KCTD18: variants seen among roughly 807,000 people sequenced by gnomAD.
KCTD18 encodes potassium channel tetramerization domain containing 18.
KCTD18 carries 22 observed loss-of-function variants against 30.4 expected under a neutral mutation model. The ratio of observed to expected loss-of-function variants is 0.72; its 90% CI spans 0.52 to 1.03. The LOEUF (loss-of-function observed/expected upper bound fraction) is 1.03. KCTD18 is among the 50% of genes least tolerant of loss of function. The pLI, the probability that KCTD18 is intolerant of heterozygous loss-of-function variation, is 0.00. For missense variants in KCTD18, 529 were observed against 547.6 expected (o/e 0.97, Z 0.34); for synonymous variants, 186 against 209.0 (o/e 0.89, Z 0.95).
chr2:200,509,625 C>T lies in KCTD18; in HGVS notation c.-76+3G>A, dbSNP rs1455177133. 7 of 152,298 alleles carry T rather than the reference C, an allele frequency of 4.6e-5. No homozygotes were observed. The highest frequency in any genetic ancestry group is 1.7e-4 in the African/African-American group (7 of 41,442). 9.4% of individuals were successfully genotyped at this position (152,298 alleles called of 1,614,324 possible). ...GTCCCCCAGAGTGCATTCCTATGAT[C>T]ACCTGCATCAAAACCATCAGGGACG... On this transcript the variant is annotated splice_donor_region_variant and intron_variant, in intron 1 of 6. Transcript: ENST00000359878.
intron 6 of KCTD18, among the ~76,000 whole-genome samples, chr2:200,492,056 TA>T (rs1336794394): frequency 6.6e-6 from 1 of 152,216 alleles, no homozygotes; most frequent in African/African-American, 2.4e-5. Context: ...TAATGCTTCG[TA>T]AACTTGTAGA....
chr2:200,506,390 T>C lies in KCTD18; in HGVS notation c.160+467A>G, dbSNP rs532766425. Among the ~76,000 whole-genome samples, 351 of 152,238 alleles carry C rather than the reference T, an allele frequency of 2.3e-3. 2 individuals are homozygous for C. The highest frequency in any genetic ancestry group is 7.6e-3 in the African/African-American group (316 of 41,538). On this transcript the variant is annotated intron_variant, in intron 2 of 6. Transcript: ENST00000359878. ...ACAGACTTTTTCTCAGCCGTGCACA[T>C]TGGACACACAGCAAGACTACACAGC...
rs1298049415 is a variant in KCTD18, at chr2:200,490,246, G to C, written c.1135C>G (p.Leu379Val). 1 of 1,614,142 alleles carries C rather than the reference G, an allele frequency of 6.2e-7. No individual in the cohort carries two copies. Among genetic ancestry groups the C allele is most frequent in the Non-Finnish European group, 8.5e-7 (1 of 1,180,048 alleles). ...GTGGCGCACAGCGGAGTCCTCTTCA[G>C]CTTTATCACCCGCTGGGGTGTAGGC... ...KKPTPQRVIK[L>V]KRTPLCATAP... Residue 379 changes from leucine (L) to valine (V), a missense_variant, in exon 7 of 7, where the codon CTG (leucine) becomes GTG (valine). Coordinates refer to ENST00000359878, the MANE Select transcript of KCTD18 (RefSeq NM_152387.4).
chr2:200,490,416 G>T lies in KCTD18; in HGVS notation c.965C>A (p.Ala322Glu), dbSNP rs147353210. 12 of 1,614,048 alleles carry T rather than the reference G, an allele frequency of 7.4e-6. No individual in the cohort carries two copies. Among genetic ancestry groups the T allele is most frequent in the Non-Finnish European group, 9.3e-6 (11 of 1,180,030 alleles). ...NRFQSGSRRK[A>E]AQRSAPSRAT... ...TCTGGAAGGTGCAGAGCGCTGAGCT[G>T]CCTTTCTGCGGCTACCACTTTGAAA... The change falls in exon 7 of 7, where the codon GCA becomes GAA. Residue 322 changes from alanine to glutamate, a missense_variant. Coordinates refer to ENST00000359878, the MANE Select transcript of KCTD18 (RefSeq NM_152387.4).
At chr2:200,503,424 G>A (rs747290258) in intron 3 of KCTD18, among the ~76,000 whole-genome samples, 2 of 152,104 alleles carry the variant, frequency 1.3e-5, no homozygotes, top group Non-Finnish European at 2.9e-5. Context: ...GGTGTCCCAC[G>A]CAGCCCCTTG....
At chr2:200,508,695 G>A (rs572400248) in intron 1 of KCTD18, among the ~76,000 whole-genome samples, 2 of 152,124 alleles carry the variant, frequency 1.3e-5, no homozygotes, top group African/African-American at 2.4e-5. Flanking sequence ...TGTAGAATAC[G>A]GTCAGCAACA....
intron 5 of KCTD18, 131 bp from the exon 6 acceptor site, chr2:200,493,405 A>G (rs982439739): frequency 3.1e-6 from 2 of 637,850 alleles, no homozygotes; most frequent in Middle Eastern, 2.7e-4. Flanking sequence ...TGTGCACAAC[A>G]TGAACAGGAA....
intron 4 of KCTD18, among the ~76,000 whole-genome samples, chr2:200,498,497 G>T (rs191730787): frequency 6.6e-6 from 1 of 152,334 alleles, no homozygotes; most frequent in South Asian, 2.1e-4. Flanking sequence ...AAGACACCAA[G>T]GCAGGCCAGC....
At chr2:200,502,590 T>C (rs2029915869) in intron 3 of KCTD18, among the ~76,000 whole-genome samples, 1 of 152,234 alleles carries the variant, frequency 6.6e-6, no homozygotes, top group Non-Finnish European at 1.5e-5. Flanking sequence ...ATTCATTCAT[T>C]TGAATATTAA....
In KCTD18 at chr2:200,494,298, T is replaced by C. The variant is rs1043413837; in HGVS notation, c.662-1024A>G. 3.3e-5 allele frequency among the ~76,000 whole-genome samples: 5 copies of C among 152,206 alleles called. 1 individual carries two copies. The highest frequency in any genetic ancestry group is 2.6e-4 in the Admixed American group (4 of 15,274). ...GGAGAGAGGTAATGATTGCACAACA[T>C]TGTGAATGTAGTAAATACCAATGAA... On this transcript the variant is annotated intron_variant, in intron 5 of 6. Coordinates refer to ENST00000359878, the MANE Select transcript of KCTD18 (RefSeq NM_152387.4).
At chr2:200,509,557 A>T (rs2030403354) in intron 1 of KCTD18, 71 bp downstream of exon 1, 1 of 152,570 alleles carries the variant, frequency 6.6e-6, no homozygotes. Context: ...GCACCCAGTT[A>T]GGCTCCCTGC....
At chr2:200,491,164 T>C (rs997267090) in intron 6 of KCTD18, among the ~76,000 whole-genome samples, 6 of 152,158 alleles carry the variant, frequency 3.9e-5, no homozygotes, top group African/African-American at 1.4e-4. Flanking sequence ...CTTTGTGCCC[T>C]CTCCCATGGT....
chr2:200,507,090 C>T lies in KCTD18; in HGVS notation c.-74G>A. On this transcript the variant is annotated splice_region_variant and 5_prime_UTR_variant, in exon 2 of 7. Transcript: ENST00000359878. ...TCAAAACAATGATGTCTTGGTCTCC[C>T]TCTGTAAAACAAAGGACAGTCATCC... 2.4e-6 allele frequency: 3 copies of T among 1,238,804 alleles called. No individual in the cohort carries two copies. The highest frequency in any genetic ancestry group is 1.9e-4 in the Middle Eastern group (1 of 5,150). 76.7% of individuals were successfully genotyped at this position (1,238,804 alleles called of 1,614,324 possible).
rs1294017592 is a variant in KCTD18 at position 200,499,812 on chromosome 2, C to T, written c.373-728G>A. Among the ~76,000 whole-genome samples the T allele has an allele frequency of 2.0e-5, 3 of 150,242 alleles. No individual in the cohort carries two copies. In the Admixed American group the frequency reaches 2.0e-4, roughly 10 times the overall value. ...GTATCATCCTGATACCAAAGCTGGG[C>T]AGAGACACAACCAAAAAAGAGAATT... On this transcript the variant is annotated intron_variant, in intron 3 of 6. Transcript: ENST00000359878.
intron 6 of KCTD18, among the ~76,000 whole-genome samples, chr2:200,491,911 T>C (rs1212529904): frequency 6.6e-6 from 1 of 152,230 alleles, no homozygotes; most frequent in Admixed American, 6.5e-5. Flanking sequence ...TTGCCATCTG[T>C]AGCAAAGAGT....
chr2:200,506,962 C>T lies in KCTD18; in HGVS notation c.55G>A (p.Gly19Ser), dbSNP rs780454205. Residue 19 changes from glycine (G) to serine (S), a missense_variant, in exon 2 of 7, where the codon GGT becomes AGT. Physicochemically the swap from Gly to Ser is moderately conservative, Grantham distance 56. Coordinates refer to ENST00000359878, the MANE Select transcript of KCTD18 (RefSeq NM_152387.4). Reference protein sequence around the residue: ...EVLDVLRLNVGGCIYTARRES... With the variant: ...EVLDVLRLNVSGCIYTARRES... ...CGCCGGGCTGTGTAAATACAGCCAC[C>T]CACGTTCAGTCGGAGAACATCTAGC... 2 of 1,613,882 alleles carry T rather than the reference C, an allele frequency of 1.2e-6. No individual in the cohort carries two copies. The highest frequency in any genetic ancestry group is 2.7e-5 in the African/African-American group (2 of 75,010).
chr2:200,494,935 T>C (rs1377102271), intron 5 of KCTD18, among the ~76,000 whole-genome samples: 3 of 152,236 alleles, frequency 2.0e-5, no homozygotes, highest in African/African-American at 7.2e-5. Flanking sequence ...CTGGCTTCTT[T>C]AGCATGATGC....
chr2:200,497,493 ACT>A (rs2088013986), intron 5 of KCTD18: 1 of 358,886 alleles, frequency 2.8e-6, no homozygotes, highest in South Asian at 4.6e-5. Context: ...TACTAAATGA[ACT>A]CTTATTTAAT....
chr2:200,496,421 G>C (rs2087999335), intron 5 of KCTD18: 1 of 152,366 alleles, frequency 6.6e-6, no homozygotes, highest in Admixed American at 6.5e-5. Flanking sequence ...GAAAGTGAGG[G>C]GGGCAAAGTT....
Sources: gnomAD v4.1 joint callset for allele counts (sites outside exome capture counted in the v4.1 genomes callset) on GRCh38, gnomAD v4.1.1 for gene constraint, MANE v1.5 for transcripts, NCBI Gene and HGNC (gene_info 2026-07-23, HGNC 2026-07-21) for gene names.